Variants in PRH1 observed in about 807,000 individuals in gnomAD.
The protein encoded by PRH1 is salivary acidic proline-rich phosphoprotein 1/2.
In PRH1, 7 loss-of-function variants were observed where a neutral mutation model predicts 7.9. The ratio of observed to expected loss-of-function variants is 0.89; its 90% CI spans 0.50 to 1.67. The LOEUF is 1.67. Among genes scored for constraint, PRH1 ranks in the 40% most tolerant of loss-of-function variants. The pLI is 0.00. For missense variants in PRH1, 109 were observed against 223.6 expected, an observed-to-expected ratio of 0.49 and a Z score of 3.27; for synonymous variants, 45 against 80.8, an observed-to-expected ratio of 0.56 and a Z score of 2.38.
chr12:11,139,785 T>C (rs1441657936), intron 1 of PRH1, among the ~76,000 whole-genome samples: 2 of 152,178 alleles, frequency 1.3e-5, no homozygotes, highest in Non-Finnish European at 2.9e-5. Context: ...AAATACTGGG[T>C]TTAGGATGTG....
At chr12:10,948,619 G>A (rs1950523848) in intron 2 of PRH1, among the ~76,000 whole-genome samples, 1 of 151,986 alleles carries the variant, frequency 6.6e-6, no homozygotes, top group South Asian at 2.1e-4. Context: ...ACTGTATTCT[G>A]TCATTCTAGC....
In PRH1 at chr12:11,076,190, A is replaced by G. The variant is rs80251318; in HGVS notation, n.124-29002T>C. ...ACAGTCATGCAGAATTTAGCTGTTC[A>G]GCAAGGCTGTACATTTCCTTCTTAT... On this transcript the variant is annotated intron_variant and non_coding_transcript_variant, in intron 1 of 4. Transcript: ENST00000541977. Among the ~76,000 whole-genome samples, 2 of 20,632 alleles carry G rather than the reference A, an allele frequency of 9.7e-5. 1 individual carries two copies. Among genetic ancestry groups the G allele is most frequent in the African/African-American group, 1.5e-4 (2 of 13,570 alleles). 13.5% of individuals were successfully genotyped at this position (20,632 alleles called of 152,430 possible).
At chr12:11,101,293 G>C (rs1448049873) in intron 1 of PRH1, among the ~76,000 whole-genome samples, 2 of 152,146 alleles carry the variant, frequency 1.3e-5, no homozygotes, top group Non-Finnish European at 2.9e-5. Flanking sequence ...TTCAAGACCT[G>C]CCTGGGCAAC....
At chr12:11,122,693 A>G (rs1945950993) in intron 1 of PRH1, among the ~76,000 whole-genome samples, 1 of 152,412 alleles carries the variant, frequency 6.6e-6, no homozygotes, top group Non-Finnish European at 1.5e-5. Context: ...TCTTAGAGTT[A>G]TACATGAATG....
chr12:11,071,157 T>C (rs1944049633), intron 1 of PRH1, among the ~76,000 whole-genome samples: 1 of 118,962 alleles, frequency 8.4e-6, no homozygotes, highest in African/African-American at 2.8e-5. Context: ...GACAGTCAAT[T>C]TGCAGACCAA....
At chr12:11,100,390 G>C (rs1362208886) in intron 1 of PRH1, among the ~76,000 whole-genome samples, 1 of 152,174 alleles carries the variant, frequency 6.6e-6, no homozygotes, top group Non-Finnish European at 1.5e-5. Flanking sequence ...ACTGGAAATT[G>C]ATTTGATGTG....
At chr12:10,989,340 T>A (rs1315333444) in intron 1 of PRH1, among the ~76,000 whole-genome samples, 1 of 152,226 alleles carries the variant, frequency 6.6e-6, no homozygotes, top group Non-Finnish European at 1.5e-5. Flanking sequence ...TTGTAATGAT[T>A]CATTCATCTT....
chr12:10,938,938 T>C, intron 2 of PRH1: 1 of 1,613,896 alleles, frequency 6.2e-7, no homozygotes, highest in South Asian at 1.1e-5. Context: ...GATTGATCAC[T>C]GTCCAGATAT....
chr12:10,964,116 T>A (rs937282636), intron 2 of PRH1, among the ~76,000 whole-genome samples: 1 of 152,228 alleles, frequency 6.6e-6, no homozygotes, highest in Non-Finnish European at 1.5e-5. Context: ...CATGATAATA[T>A]GAACTGTATT....
chr12:11,111,387 A>G (rs1945586489), intron 1 of PRH1, among the ~76,000 whole-genome samples: 1 of 152,208 alleles, frequency 6.6e-6, no homozygotes, highest in African/African-American at 2.4e-5. Flanking sequence ...TCTAAAACTG[A>G]CCACATAAGT....
At chr12:10,970,507 T>C (rs961237870) in intron 2 of PRH1, among the ~76,000 whole-genome samples, 1 of 152,166 alleles carries the variant, frequency 6.6e-6, no homozygotes, top group South Asian at 2.1e-4. Flanking sequence ...CATTAAGAAT[T>C]TGAATTTATA....
intron 1 of PRH1, among the ~76,000 whole-genome samples, chr12:11,099,052 T>A (rs1334697371): frequency 1.3e-5 from 2 of 152,156 alleles, no homozygotes; most frequent in East Asian, 3.8e-4. Context: ...TATTATTATA[T>A]AAAATATTTA....
chr12:10,929,423 G>C, intron 2 of PRH1: 1 of 1,531,662 alleles, frequency 6.5e-7, no homozygotes, highest in Non-Finnish European at 9.0e-7. Flanking sequence ...GGGAAGAGAG[G>C]AGGATGAGAA....
At chr12:11,022,386 C>A in intron 1 of PRH1, 2 of 1,555,876 alleles carry the variant, frequency 1.3e-6, no homozygotes, top group South Asian at 1.1e-5. Flanking sequence ...AAAGGAATAA[C>A]ATGACCCAGA....
At chr12:11,020,348 G>A (rs371359008) in intron 1 of PRH1, among the ~76,000 whole-genome samples, 615 of 15,930 alleles carry the variant, frequency 0.039, no homozygotes, top group Middle Eastern at 0.17. Context: ...GTACTAGGGA[G>A]GACGTATGAT....
chr12:10,949,192 TG>T (rs1361432613), intron 2 of PRH1, among the ~76,000 whole-genome samples: 7 of 152,174 alleles, frequency 4.6e-5, no homozygotes, highest in Admixed American at 6.5e-5. Context: ...AGTCAACCTC[TG>T]GGGGTTCCAT....
intron 1 of PRH1, among the ~76,000 whole-genome samples, chr12:11,114,595 T>C (rs1344918580): frequency 6.6e-6 from 1 of 152,100 alleles, no homozygotes; most frequent in African/African-American, 2.4e-5. Flanking sequence ...ATGGCACATG[T>C]ACACCGATGT....
chr12:11,105,936 CT>C lies in PRH1; in HGVS notation n.124-58749del, dbSNP rs765916131. On this transcript the variant is annotated intron_variant and non_coding_transcript_variant, in intron 1 of 4. Transcript: ENST00000541977. ...TCCTAATACTTTTGAATAACTTATT[CT>C]TTTTTTTTTTTTTTTTTTTTTGAGA... Among the ~76,000 whole-genome samples, 803 of 94,950 alleles carry C rather than the reference CT, an allele frequency of 8.5e-3. 10 individuals carry two copies. The highest frequency in any genetic ancestry group is 0.02 in the African/African-American group (538 of 26,888). The allele number at this position is 94,950 out of a possible 152,430, so 62.3% of individuals were successfully genotyped here.
intron 1 of PRH1, among the ~76,000 whole-genome samples, chr12:11,160,404 G>A (rs1471741856): frequency 1.3e-5 from 2 of 152,182 alleles, no homozygotes; most frequent in Non-Finnish European, 2.9e-5. Flanking sequence ...ATGCTTCAGT[G>A]AAGAATTGAC....
Sources: gnomAD v4.1 joint callset for allele counts (sites outside exome capture counted in the v4.1 genomes callset) on GRCh38, gnomAD v4.1.1 for gene constraint, MANE v1.5 for transcripts, NCBI Gene and HGNC (gene_info 2026-07-23, HGNC 2026-07-21) for gene names.